The following CCDC50 variants were observed in gnomAD, a reference collection of about 807,000 sequenced individuals.
CCDC50 encodes coiled-coil domain-containing protein 50.
CCDC50 carries 54 observed loss-of-function variants against 70.2 expected under a neutral mutation model. The ratio of observed to expected loss-of-function variants is 0.77; its 90% confidence interval spans 0.62 to 0.96. The LOEUF is 0.96. Ranked by LOEUF, CCDC50 falls within the 50% of genes least tolerant of loss-of-function variation. The pLI, the probability that CCDC50 is intolerant of heterozygous loss-of-function variation, is 0.00. For synonymous variants in CCDC50, 216 were observed against 198.8 expected, an observed-to-expected ratio of 1.09 and a Z score of -0.73; for missense variants, 558 against 578.7, an observed-to-expected ratio of 0.96 and a Z score of 0.37.
intron 1 of CCDC50, among the ~76,000 whole-genome samples, chr3:191,340,956 C>T (rs915713878): frequency 6.6e-6 from 1 of 152,054 alleles, no homozygotes; most frequent in Admixed American, 6.6e-5. Flanking sequence ...CTGCCTCAGC[C>T]TCCTGAGTAG....
In CCDC50 at chr3:191,380,947, GT is replaced by G; in HGVS notation, c.1242+18del. The G allele has an allele frequency of 6.3e-7, 1 of 1,596,130 alleles. No individual in the cohort carries two copies. The highest frequency in any genetic ancestry group is 8.6e-7 in the Non-Finnish European group (1 of 1,167,386). On this transcript the variant is annotated intron_variant, in intron 9 of 11. Transcript: ENST00000392455. Reference sequence around the variant, plus strand: ...CCGAGTGGAAGGTAGAGTGTGTTTTGTTTGTTTTCTAATTAGAAATAAAATT... The same window carrying G: ...CCGAGTGGAAGGTAGAGTGTGTTTTGTTGTTTTCTAATTAGAAATAAAATT...
chr3:191,386,959 C>T (rs558211975), intron 10 of CCDC50, among the ~76,000 whole-genome samples: 1 of 152,264 alleles, frequency 6.6e-6, no homozygotes, highest in African/African-American at 2.4e-5. Flanking sequence ...TGTTATTCTA[C>T]TTGCATTTTT....
intron 4 of CCDC50, among the ~76,000 whole-genome samples, chr3:191,362,609 G>T (rs1576961205): frequency 6.6e-6 from 1 of 152,166 alleles, no homozygotes; most frequent in African/African-American, 2.4e-5. Flanking sequence ...ACTTTCGAGG[G>T]TTATAAGCAT....
intron 9 of CCDC50, 121 bp from the exon 10 acceptor site, chr3:191,382,625 A>G: frequency 1.5e-6 from 1 of 676,896 alleles, no homozygotes; most frequent in South Asian, 1.7e-5. Context: ...TTAATCTGAA[A>G]TTACTAAGGA....
Position 191,375,276 on chromosome 3 carries a change from G to C in CCDC50, c.663G>C (p.Glu221Asp). Residue 221 changes from glutamate (E) to aspartate (D), a missense_variant, in exon 6 of 12, where the codon GAG becomes GAC. Physicochemically the swap from Glu to Asp is conservative, Grantham distance 45. Coordinates refer to ENST00000392455, the MANE Select transcript of CCDC50 (RefSeq NM_178335.3). The part of the protein sequence containing the change: ...KGRDNPHINN[E>D]QHERKRSTQE... ...GGGACAATCCCCATATTAACAATGA[G>C]CAGCATGAAAGGAAACGGTCCACTC... 1 of 1,613,768 alleles carries C rather than the reference G, an allele frequency of 6.2e-7. No individual in the cohort carries two copies. The highest frequency in any genetic ancestry group is 1.1e-5 in the South Asian group (1 of 91,076).
In CCDC50 at chr3:191,394,261, T is replaced by A. The variant is rs1713791644; in HGVS notation, c.*2501T>A. On this transcript the variant is annotated 3_prime_UTR_variant, in exon 12 of 12. Transcript: ENST00000392455. ...TTATTTTTGTGTAAAGCAAACACTTTTAAAATAATATCAGAGTAATTATTA... is the reference window on the plus strand; with the variant it reads ...TTATTTTTGTGTAAAGCAAACACTTATAAAATAATATCAGAGTAATTATTA... 6.6e-6 allele frequency: 1 copy of A among 152,148 alleles called. No individual in the cohort carries two copies. The highest frequency in any genetic ancestry group is 2.4e-5 in the African/African-American group (1 of 41,464). The allele number at this position is 152,148 out of a possible 1,614,324, so 9.4% of individuals were successfully genotyped here. A position where few individuals can be genotyped will look rare whatever the true frequency, so the allele number is the denominator to read the frequency against.
At position 191,398,158 on chromosome 3, in the gene CCDC50, C is replaced by T. The variant is rs1576982030; in HGVS notation, c.*6398C>T. 6.6e-6 allele frequency: 1 copy of T among 152,146 alleles called. No homozygotes were observed. Among genetic ancestry groups the T allele is most frequent in the South Asian group, 2.1e-4 (1 of 4,830 alleles). 9.4% of individuals were successfully genotyped at this position (152,146 alleles called of 1,614,324 possible). The stretch of plus-strand genomic sequence containing the variant: ...CTTGGGAGGTTGAGGTGTTCAACAT[C>T]GTTAAGGCACTCCCAAAACGCAAAC... On this transcript the variant is annotated 3_prime_UTR_variant, in exon 12 of 12. Coordinates refer to ENST00000392455, the MANE Select transcript of CCDC50 (RefSeq NM_178335.3).
rs1717867542 is a variant in CCDC50, at chr3:191,329,505, C to T, written c.-170C>T. ...GTGCCTCGGGGACCGTCTCCCGCTGCTTTGGTCACCAGCCCCTGCCCGCCC... is the reference window on the plus strand; with the variant it reads ...GTGCCTCGGGGACCGTCTCCCGCTGTTTTGGTCACCAGCCCCTGCCCGCCC... On this transcript the variant is annotated 5_prime_UTR_variant, in exon 1 of 12. Coordinates refer to ENST00000392455, the MANE Select transcript of CCDC50 (RefSeq NM_178335.3). 4 of 574,612 alleles carry T rather than the reference C, an allele frequency of 7.0e-6. No individual in the cohort carries two copies. Among genetic ancestry groups the T allele is most frequent in the Non-Finnish European group, 1.2e-5 (4 of 344,382 alleles). 35.6% of individuals were successfully genotyped at this position (574,612 alleles called of 1,614,324 possible).
Position 191,354,065 on chromosome 3 carries a change from T to C in CCDC50, c.50-3023T>C, listed in dbSNP as rs537410012. Among the ~76,000 whole-genome samples the C allele has an allele frequency of 3.5e-4, 54 of 152,310 alleles. No homozygotes were observed. In the South Asian group the frequency reaches 3.7e-3, roughly 11 times the overall value. ...TGTTATAATGTGTCAAACCATATCT[T>C]CATGTTCATGGTTTAGCAATATGTG... On this transcript the variant is annotated intron_variant, in intron 1 of 11. Transcript: ENST00000392455.
intron 1 of CCDC50, among the ~76,000 whole-genome samples, chr3:191,345,219 T>G (rs557461336): frequency 6.6e-6 from 1 of 152,350 alleles, no homozygotes; most frequent in South Asian, 2.1e-4. Context: ...GCTTCTGTTT[T>G]GTTACTCCCA....
At chr3:191,358,448 G>A (rs1192656198) in intron 3 of CCDC50, among the ~76,000 whole-genome samples, 1 of 152,112 alleles carries the variant, frequency 6.6e-6, no homozygotes, top group Non-Finnish European at 1.5e-5. Context: ...TGTCCCCTCT[G>A]CCTCATAGTT....
chr3:191,356,183 C>T (rs1301226352), intron 1 of CCDC50, among the ~76,000 whole-genome samples: 11 of 152,162 alleles, frequency 7.2e-5, no homozygotes, highest in Admixed American at 5.2e-4. Flanking sequence ...CTAAACTACA[C>T]GTCCTTAAAA....
intron 2 of CCDC50, 74 bp downstream of exon 2, chr3:191,357,224 CT>C: frequency 8.5e-7 from 1 of 1,171,982 alleles, no homozygotes; most frequent in Non-Finnish European, 1.3e-6. Context: ...TTTCTTAGGG[CT>C]TAGGTGGGGA....
chr3:191,332,883 G>A (rs1394710907), intron 1 of CCDC50, among the ~76,000 whole-genome samples: 2 of 152,114 alleles, frequency 1.3e-5, no homozygotes, highest in Non-Finnish European at 2.9e-5. Context: ...GTTGATCGAG[G>A]CCTTTCTAGA....
chr3:191,371,883 C>T (rs1712925487), intron 5 of CCDC50, among the ~76,000 whole-genome samples: 1 of 152,184 alleles, frequency 6.6e-6, no homozygotes, highest in Admixed American at 6.6e-5. Context: ...TGTTACTCTT[C>T]ACCTTCAATT....
chr3:191,344,246 T>C (rs1351427052), intron 1 of CCDC50, among the ~76,000 whole-genome samples: 1 of 152,210 alleles, frequency 6.6e-6, no homozygotes, highest in East Asian at 1.9e-4. Context: ...TTGTCTAAAT[T>C]AGTTCTGTCA....
intron 4 of CCDC50, among the ~76,000 whole-genome samples, chr3:191,362,253 G>T (rs900627252): frequency 6.6e-6 from 1 of 152,076 alleles, no homozygotes; most frequent in African/African-American, 2.4e-5. Flanking sequence ...GAGTAGCTGG[G>T]ACTACAGGCA....
intron 1 of CCDC50, among the ~76,000 whole-genome samples, chr3:191,337,827 AC>A (rs1022060921): frequency 2.6e-5 from 4 of 151,374 alleles, no homozygotes; most frequent in East Asian, 1.9e-4. Flanking sequence ...ATGTTTCCTT[AC>A]GTTTTTTTTT....
At position 191,369,704 on chromosome 3, in the gene CCDC50, A is replaced by G. The variant is rs16848983; in HGVS notation, c.331-215A>G. ...GTCTTCCATGTTGTGGTGGATTTAA[A>G]TCTCAATTAAAAAAGCCTGTCTCAC... On this transcript the variant is annotated intron_variant, in intron 4 of 11. Coordinates refer to ENST00000392455, the MANE Select transcript of CCDC50 (RefSeq NM_178335.3). Among the ~76,000 whole-genome samples the G allele has an allele frequency of 7.7e-3, 1,174 of 152,238 alleles. 10 individuals carry two copies. The highest frequency in any genetic ancestry group is 0.034 in the Middle Eastern group (10 of 294).
Sources: gnomAD v4.1 joint callset for allele counts (sites outside exome capture counted in the v4.1 genomes callset) on GRCh38, gnomAD v4.1.1 for gene constraint, MANE v1.5 for transcripts, NCBI Gene and HGNC (gene_info 2026-07-23, HGNC 2026-07-21) for gene names.